The following TPCN1 variants were observed in gnomAD, a reference collection of about 807,000 sequenced individuals.
The protein encoded by TPCN1 is two pore segment channel 1, also known as two pore channel protein 1.
A neutral mutation model predicts 108.8 loss-of-function variants in TPCN1; 52 were observed. The ratio of observed to expected loss-of-function variants is 0.48; its 90% confidence interval spans 0.38 to 0.60. The LOEUF is 0.60. TPCN1 is among the 20% of genes least tolerant of loss of function. The pLI is 0.00. For missense variants in TPCN1, 806 were observed against 1,072.8 expected (o/e 0.75, Z 3.47); for synonymous variants, 446 against 433.7 (o/e 1.03, Z -0.35).
chr12:113,285,953 A>G lies in TPCN1; in HGVS notation c.1518A>G (p.Gly506=), dbSNP rs762390915. 4.3e-6 allele frequency: 7 copies of G among 1,613,950 alleles called. No individual in the cohort carries two copies. In the African/African-American group the frequency reaches 8.0e-5, roughly 18 times the overall value. The part of the protein sequence containing the change: ...GLGPVEYLSS[G]WNLFDFSVTV... ...GCCCTGTGGAGTACTTGTCTTCCGG[A>G]TGGAACTTGTGAGTGGACAGCATGT... is the stretch of plus-strand genomic sequence containing the variant. The change falls in exon 18 of 28, where the codon GGA becomes GGG. Residue 506 remains glycine (G), a synonymous_variant. Coordinates refer to ENST00000335509, the MANE Select transcript of TPCN1 (RefSeq NM_017901.6).
intron 2 of TPCN1, among the ~76,000 whole-genome samples, chr12:113,256,462 T>A (rs963664517): frequency 1.3e-5 from 2 of 152,136 alleles, no homozygotes; most frequent in African/African-American, 4.8e-5. Context: ...TTGAAAAAAA[T>A]ATGAACAAAG....
In TPCN1 at chr12:113,231,175, C is replaced by T. The variant is rs1469871543; in HGVS notation, c.112+4211C>T. Among the ~76,000 whole-genome samples the T allele has an allele frequency of 6.6e-6, 1 of 152,240 alleles. No homozygotes were observed. Among genetic ancestry groups the T allele is most frequent in the African/African-American group, 2.4e-5 (1 of 41,464 alleles). On this transcript the variant is annotated intron_variant, in intron 2 of 27. Coordinates refer to ENST00000335509, the MANE Select transcript of TPCN1 (RefSeq NM_017901.6). The surrounding 1 kb of genome is among the most constrained non-coding windows in gnomAD (Gnocchi z 4.3). Reference sequence around the variant, plus strand: ...AGCAGCCGCTGAGGCCTTCTCAGCACTGTACCTCCACGCTCCATGTCTGGT... The same window carrying T: ...AGCAGCCGCTGAGGCCTTCTCAGCATTGTACCTCCACGCTCCATGTCTGGT...
intron 1 of TPCN1, among the ~76,000 whole-genome samples, chr12:113,225,856 ATTCTT>A (rs1243477301): frequency 1.3e-5 from 2 of 151,754 alleles, no homozygotes; most frequent in Admixed American, 1.3e-4. Flanking sequence ...GCCCGGCCTA[ATTCTT>A]TTATTTTTTA....
At position 113,288,112 on chromosome 12, in the gene TPCN1, G is replaced by T; in HGVS notation, c.1635-51G>T. 6.4e-7 allele frequency: 1 copy of T among 1,552,022 alleles called. No homozygotes were observed. Among genetic ancestry groups the T allele is most frequent in the Admixed American group, 1.7e-5 (1 of 58,192 alleles). The stretch of plus-strand genomic sequence containing the variant: ...GGGGCCGGCATGTTCTGAGGGCGGG[G>T]GCTGAGGCGTGCACCTGTGTGTGGA... On this transcript the variant is annotated intron_variant, in intron 19 of 27. Coordinates refer to ENST00000335509, the MANE Select transcript of TPCN1 (RefSeq NM_017901.6). This position sits in a 1 kb window ranked among gnomAD's most constrained non-coding sequence, Gnocchi z 4.8.
chr12:113,230,962 A>G (rs1462418281), intron 2 of TPCN1, among the ~76,000 whole-genome samples: 1 of 152,206 alleles, frequency 6.6e-6, no homozygotes, highest in Non-Finnish European at 1.5e-5. Context: ...AGCACAGCTG[A>G]GTGTCCTGGT....
intron 1 of TPCN1, among the ~76,000 whole-genome samples, chr12:113,221,878 C>T (rs1953246566): frequency 6.6e-6 from 1 of 152,178 alleles, no homozygotes; most frequent in Non-Finnish European, 1.5e-5. Flanking sequence ...GGGCTGGGAG[C>T]ACGTGGAGCT....
intron 2 of TPCN1, among the ~76,000 whole-genome samples, chr12:113,246,874 G>T (rs1311424236): frequency 1.3e-5 from 2 of 152,218 alleles, no homozygotes; most frequent in African/African-American, 4.8e-5. Flanking sequence ...AGAGGAAGGG[G>T]CTGGACTGGG....
intron 15 of TPCN1, among the ~76,000 whole-genome samples, chr12:113,282,341 C>T (rs915172979): frequency 6.6e-5 from 10 of 151,942 alleles, no homozygotes; most frequent in African/African-American, 2.4e-4. Flanking sequence ...GATCCACCTG[C>T]CTCGGCCTCC....
intron 7 of TPCN1, among the ~76,000 whole-genome samples, chr12:113,270,842 C>T (rs1566178744): frequency 2.0e-5 from 3 of 152,178 alleles, no homozygotes; most frequent in Admixed American, 6.5e-5. Flanking sequence ...ATGACCTCTT[C>T]ACCTCCCACA....
chr12:113,266,311 C>G lies in TPCN1; in HGVS notation c.369C>G (p.Ser123=). ...LATALLLLLL[S]LCEAPAVPAL... is the part of the protein sequence containing the mutation. ...CGGCCCTGCTGCTGCTGCTGCTCTC[C>G]CTGTGCGAGGCCCCCGCCGTCCCCG... The change falls in exon 4 of 28, where the codon TCC becomes TCG. Residue 123 remains serine, a synonymous_variant. Coordinates refer to ENST00000335509, the MANE Select transcript of TPCN1 (RefSeq NM_017901.6). The surrounding 1 kb of genome is among the most constrained non-coding windows in gnomAD (Gnocchi z 4.2). 6.2e-7 allele frequency: 1 copy of G among 1,612,244 alleles called. No individual in the cohort carries two copies.
chr12:113,285,480 G>A (rs887960526), intron 17 of TPCN1, among the ~76,000 whole-genome samples: 2 of 152,100 alleles, frequency 1.3e-5, no homozygotes, highest in African/African-American at 2.4e-5. Flanking sequence ...AAGGGATCCC[G>A]AGTAGCCTCA....
chr12:113,295,305 T>A (rs1423669015), intron 27 of TPCN1, among the ~76,000 whole-genome samples: 1 of 152,042 alleles, frequency 6.6e-6, no homozygotes, highest in African/African-American at 2.4e-5. Context: ...GGGTAGGGTA[T>A]GGTGGTGCAC....
At chr12:113,263,306 C>T (rs963465180) in intron 3 of TPCN1, among the ~76,000 whole-genome samples, 6 of 152,166 alleles carry the variant, frequency 3.9e-5, no homozygotes, top group Admixed American at 2.6e-4. Context: ...CTCCGTTGCC[C>T]GGGCTGGAGT....
At chr12:113,291,217 T>C (rs943491580) in intron 23 of TPCN1, among the ~76,000 whole-genome samples, 3 of 152,172 alleles carry the variant, frequency 2.0e-5, no homozygotes, top group African/African-American at 7.2e-5. Context: ...CCCATCTCCC[T>C]GCATGTCCCC....
In TPCN1 at chr12:113,231,470, T is replaced by TAAAAGGTGATTTAAAAGGGCCTTTA. The variant is rs1202648409; in HGVS notation, c.112+4509_112+4510insAGGTGATTTAAAAGGGCCTTTAAAA. On this transcript the variant is annotated intron_variant, in intron 2 of 27. Coordinates refer to ENST00000335509, the MANE Select transcript of TPCN1 (RefSeq NM_017901.6). This position sits in a 1 kb window ranked among gnomAD's most constrained non-coding sequence, Gnocchi z 4.3. Reference sequence around the variant, plus strand: ...GACCTTGTTTTACCTTAATCACCTTTAAAGGCCCTTTCTCCAAAGACAGTC... The same window carrying TAAAAGGTGATTTAAAAGGGCCTTTA: ...GACCTTGTTTTACCTTAATCACCTTTAAAAGGTGATTTAAAAGGGCCTTTAAAAGGCCCTTTCTCCAAAGACAGTC... Among the ~76,000 whole-genome samples the TAAAAGGTGATTTAAAAGGGCCTTTA allele has an allele frequency of 2.6e-5, 4 of 152,178 alleles. No homozygotes were observed. Among genetic ancestry groups the TAAAAGGTGATTTAAAAGGGCCTTTA allele is most frequent in the Non-Finnish European group, 5.9e-5 (4 of 68,044 alleles).
rs1053971709 is a variant in TPCN1, at chr12:113,224,651, C to A, written c.-125-2077C>A. On this transcript the variant is annotated intron_variant, in intron 1 of 27. Coordinates refer to ENST00000335509, the MANE Select transcript of TPCN1 (RefSeq NM_017901.6). Reference sequence around the variant, plus strand: ...GACCTCGTGATCCGCCCGCCTCGGCCTCCCAAAGTGCTGGGATTACAGGCA... The same window carrying A: ...GACCTCGTGATCCGCCCGCCTCGGCATCCCAAAGTGCTGGGATTACAGGCA... 4.0e-4 allele frequency among the ~76,000 whole-genome samples: 61 copies of A among 152,226 alleles called. 2 individuals carry two copies. Among genetic ancestry groups the A allele is most frequent in the Admixed American group, 4.0e-3 (61 of 15,284 alleles).
rs1317912905 is a variant in TPCN1, at chr12:113,273,617, C to T, written c.891C>T (p.Cys297=). Residue 297 remains cysteine (C), a synonymous_variant, in exon 10 of 28, where the codon TGC becomes TGT. Coordinates refer to ENST00000335509, the MANE Select transcript of TPCN1 (RefSeq NM_017901.6). The surrounding 1 kb of genome is among the most constrained non-coding windows in gnomAD (Gnocchi z 4.0). ...MPSYSRNPWS[C]VFFIVYLSIE... is the part of the protein sequence containing the mutation. ...CCTACTCCCGGAACCCCTGGTCCTG[C>T]GTCTTCTTCATCGTGTACCTCTCCA... 8.7e-6 allele frequency: 14 copies of T among 1,614,052 alleles called. No homozygotes were observed. The highest frequency in any genetic ancestry group is 2.7e-5 in the African/African-American group (2 of 74,930).
chr12:113,281,617 C>T (rs1190858445), intron 15 of TPCN1, among the ~76,000 whole-genome samples: 1 of 152,168 alleles, frequency 6.6e-6, no homozygotes, highest in East Asian at 1.9e-4. Context: ...TGGTTCACTG[C>T]AGCCTTGACC....
At chr12:113,293,120 G>A in intron 26 of TPCN1, 47 bp downstream of exon 26, 1 of 1,602,782 alleles carries the variant, frequency 6.2e-7, no homozygotes, top group Non-Finnish European at 8.5e-7. Flanking sequence ...AGGTTTCAGT[G>A]TGGGTGGCAT....
Sources: allele counts gnomAD v4.1 joint callset (sites outside exome capture counted in the v4.1 genomes callset), GRCh38; gene constraint gnomAD v4.1.1; non-coding constraint Gnocchi (gnomAD v3.1); transcripts MANE v1.5; gene names NCBI Gene and HGNC (gene_info 2026-07-23, HGNC 2026-07-21).